Variants in NIPBL observed in about 807,000 individuals in gnomAD.
NIPBL encodes nipped-B-like protein.
Under a neutral mutation model 321.8 loss-of-function variants are expected in NIPBL, and 19 were observed. The observed-to-expected ratio is 0.06, with a 90% confidence interval of 0.04 to 0.09. The LOEUF (loss-of-function observed/expected upper bound fraction) is 0.09, where lower values mean the gene tolerates loss of function less well. Among genes scored for constraint, NIPBL ranks in the 10% least tolerant of loss-of-function variants. The pLI is 1.00. For synonymous variants in NIPBL, 1,106 were observed against 1,114.1 expected (o/e 0.99, Z 0.14); for missense variants, 2,210 against 3,327.0 (o/e 0.66, Z 8.26).
At chr5:36,925,148 T>C (rs970616253) in intron 1 of NIPBL, among the ~76,000 whole-genome samples, 2 of 152,190 alleles carry the variant, frequency 1.3e-5, no homozygotes, top group African/African-American at 4.8e-5. Flanking sequence ...GGTACTCAAA[T>C]AAGTGATGCT....
intron 25 of NIPBL, 122 bp downstream of exon 25, chr5:37,019,522 C>A (rs903556504): frequency 4.2e-6 from 3 of 717,826 alleles, no homozygotes; most frequent in African/African-American, 1.8e-5. Context: ...ATTTTCAAAA[C>A]AAAGGGATAC....
At chr5:36,967,609 A>T (rs141073600) in intron 6 of NIPBL, among the ~76,000 whole-genome samples, 4 of 152,292 alleles carry the variant, frequency 2.6e-5, no homozygotes, top group African/African-American at 9.6e-5. Flanking sequence ...ATCAGTCATC[A>T]CATATGAACA....
In NIPBL at chr5:36,976,355, A is replaced by G; in HGVS notation, c.1448A>G (p.Glu483Gly). 1 of 1,612,042 alleles carries G rather than the reference A, an allele frequency of 6.2e-7. No homozygotes were observed. Among genetic ancestry groups the G allele is most frequent in the Non-Finnish European group, 8.5e-7 (1 of 1,179,826 alleles). The change falls in exon 9 of 47, where the codon GAA (glutamate) becomes GGA (glycine). Residue 483 changes from glutamate (E) to glycine (G), a missense_variant. Coordinates refer to ENST00000282516, the MANE Select transcript of NIPBL (RefSeq NM_133433.4). The part of the protein sequence containing the change: ...ALAEIERIER[E>G]SAIERERFSK... The stretch of plus-strand genomic sequence containing the variant: ...GCTGAAATTGAGCGAATAGAGAGAG[A>G]ATCAGCTATTGAAAGGGAGCGCTTC...
chr5:36,963,877 A>T (rs181671744), intron 6 of NIPBL, among the ~76,000 whole-genome samples: 54 of 152,298 alleles, frequency 3.5e-4, no homozygotes, highest in African/African-American at 1.2e-3. Flanking sequence ...TTCTTAATAT[A>T]TGTAAAATAC....
intron 1 of NIPBL, among the ~76,000 whole-genome samples, chr5:36,940,331 G>A (rs917011110): frequency 3.9e-5 from 6 of 152,066 alleles, no homozygotes; most frequent in Non-Finnish European, 7.4e-5. Flanking sequence ...TTTTGAAGTA[G>A]CATGAGTCAA....
chr5:37,007,496 T>C, intron 18 of NIPBL, 22 bp downstream of exon 18: 1 of 1,567,906 alleles, frequency 6.4e-7, no homozygotes, highest in East Asian at 2.3e-5. Context: ...TGGTAAGCAT[T>C]TTGTATATTT....
chr5:37,059,263 T>G, intron 44 of NIPBL, 98 bp downstream of exon 44: 1 of 1,361,450 alleles, frequency 7.3e-7, no homozygotes, highest in Non-Finnish European at 1.0e-6. Flanking sequence ...TCCCAACATT[T>G]TGGGAGGCTG....
Position 37,061,135 on chromosome 5 carries a change from A to G in NIPBL, c.7860+117A>G, listed in dbSNP as rs546717782. 42 of 735,722 alleles carry G rather than the reference A, an allele frequency of 5.7e-5. 1 individual carries two copies. The highest frequency in any genetic ancestry group is 8.2e-5 in the Non-Finnish European group (36 of 437,204). The allele number at this position is 735,722 out of a possible 1,614,324, so 45.6% of individuals were successfully genotyped here. ...ACATTGAATATAAGCTTCATGAACT[A>G]TCAAGATAATTTTTCTCTATCTTAT... On this transcript the variant is annotated intron_variant, in intron 45 of 46. Coordinates refer to ENST00000282516, the MANE Select transcript of NIPBL (RefSeq NM_133433.4).
intron 10 of NIPBL, among the ~76,000 whole-genome samples, chr5:36,992,810 TTGGCTCACTGCAGACTCCGCCTTCC>T (rs903021764): frequency 6.6e-6 from 1 of 151,974 alleles, no homozygotes; most frequent in Non-Finnish European, 1.5e-5. Flanking sequence ...TGGCGTGATC[TTGGCTCACTGCAGACTCCGCCTTCC>T]GGGCTCATGC....
chr5:36,919,926 T>G (rs1349307780), intron 1 of NIPBL, among the ~76,000 whole-genome samples: 1 of 152,146 alleles, frequency 6.6e-6, no homozygotes, highest in Non-Finnish European at 1.5e-5. Context: ...TCTTTTAAAC[T>G]TGTTGTCAGG....
chr5:36,989,698 C>T (rs1037915067), intron 10 of NIPBL, among the ~76,000 whole-genome samples: 4 of 151,882 alleles, frequency 2.6e-5, no homozygotes, highest in Non-Finnish European at 5.9e-5. Flanking sequence ...ATTAGTTAGG[C>T]ACTGTGGCAG....
chr5:37,021,385 C>T (rs892031837), intron 27 of NIPBL, among the ~76,000 whole-genome samples: 17 of 152,092 alleles, frequency 1.1e-4, no homozygotes, highest in African/African-American at 4.1e-4. Flanking sequence ...CACACACATA[C>T]AGTATCAGTA....
At chr5:37,035,030 C>G (rs937704014) in intron 32 of NIPBL, among the ~76,000 whole-genome samples, 1 of 152,212 alleles carries the variant, frequency 6.6e-6, no homozygotes, top group East Asian at 1.9e-4. Context: ...TAGCTCATGC[C>G]TATAATCCCA....
At chr5:36,919,966 T>C (rs1748801730) in intron 1 of NIPBL, among the ~76,000 whole-genome samples, 2 of 152,314 alleles carry the variant, frequency 1.3e-5, no homozygotes, top group African/African-American at 4.8e-5. Context: ...ATTTCTAAAA[T>C]GGGTTGTAAC....
intron 4 of NIPBL, 141 bp from the exon 5 acceptor site, chr5:36,961,343 C>T (rs983665276): frequency 6.7e-5 from 43 of 643,312 alleles, no homozygotes; most frequent in African/African-American, 3.3e-4. Context: ...AGTTTTACAG[C>T]GTCTATATTT....
intron 45 of NIPBL, among the ~76,000 whole-genome samples, chr5:37,063,044 A>G (rs1470003269): frequency 1.3e-5 from 2 of 152,162 alleles, no homozygotes; most frequent in Non-Finnish European, 2.9e-5. Context: ...ATAAAAATAA[A>G]GTTTTATATT....
intron 16 of NIPBL, 128 bp from the exon 17 acceptor site, chr5:37,006,229 A>T (rs1747413917): frequency 1.5e-6 from 1 of 672,308 alleles, no homozygotes; most frequent in African/African-American, 1.8e-5. Flanking sequence ...CTCATTCTGG[A>T]TATTCTTAAA....
intron 32 of NIPBL, among the ~76,000 whole-genome samples, chr5:37,032,734 C>G (rs1366398882): frequency 6.6e-6 from 1 of 152,154 alleles, no homozygotes; most frequent in Non-Finnish European, 1.5e-5. Context: ...ATGATTGTGC[C>G]ACTGCCCTTT....
intron 9 of NIPBL, among the ~76,000 whole-genome samples, chr5:36,979,692 A>T (rs1172862787): frequency 6.6e-6 from 1 of 151,714 alleles, no homozygotes; most frequent in Non-Finnish European, 1.5e-5. Flanking sequence ...AGTTTGCAGT[A>T]TGAGGTTCAG....
Sources: gnomAD v4.1 joint callset for allele counts (sites outside exome capture counted in the v4.1 genomes callset) on GRCh38, gnomAD v4.1.1 for gene constraint, MANE v1.5 for transcripts, NCBI Gene and HGNC (gene_info 2026-07-23, HGNC 2026-07-21) for gene names.